The following RNF150 variants were observed in gnomAD, a reference collection of about 807,000 sequenced individuals.
RNF150 encodes the protein ring finger protein 150.
Under a neutral mutation model 39.3 loss-of-function variants are expected in RNF150, and 24 were observed. That is an observed-to-expected ratio of 0.61 (90% CI 0.44 to 0.86). The LOEUF (loss-of-function observed/expected upper bound fraction) is 0.86, where lower values mean the gene tolerates loss of function less well. Among genes scored for constraint, RNF150 ranks in the 40% least tolerant of loss-of-function variants. RNF150 has a pLI of 0.00. For missense variants in RNF150, 502 were observed against 587.8 expected, an observed-to-expected ratio of 0.85 and a Z score of 1.51; for synonymous variants, 255 against 227.3, an observed-to-expected ratio of 1.12 and a Z score of -1.10.
chr4:140,870,040 T>A (rs7691875), intron 6 of RNF150, among the ~76,000 whole-genome samples: 2,064 of 152,330 alleles, frequency 0.014, 58 homozygotes, highest in African/African-American at 0.047. Context: ...TTTTTCATGA[T>A]GTGGCACAGT....
At chr4:141,060,747 C>T (rs1012472738) in intron 1 of RNF150, among the ~76,000 whole-genome samples, 1 of 152,202 alleles carries the variant, frequency 6.6e-6, no homozygotes, top group African/African-American at 2.4e-5. Context: ...ACCCAAATGT[C>T]CATCAGTCAT....
At chr4:140,988,859 T>C (rs1454027861) in intron 1 of RNF150, among the ~76,000 whole-genome samples, 1 of 152,118 alleles carries the variant, frequency 6.6e-6, no homozygotes, top group African/African-American at 2.4e-5. Flanking sequence ...TGTAGGGACA[T>C]GGATGAAGCT....
intron 1 of RNF150, among the ~76,000 whole-genome samples, chr4:141,125,444 A>G (rs1368626715): frequency 6.6e-6 from 1 of 152,228 alleles, no homozygotes; most frequent in Admixed American, 6.5e-5. Context: ...TACATTATCA[A>G]ATACACAACA....
At chr4:141,131,167 C>T (rs1578756980) in intron 1 of RNF150, among the ~76,000 whole-genome samples, 1 of 152,240 alleles carries the variant, frequency 6.6e-6, no homozygotes, top group East Asian at 1.9e-4. Flanking sequence ...AAAGAGAACA[C>T]CCCTACAAAT....
At chr4:141,113,890 G>A (rs564039554) in intron 1 of RNF150, among the ~76,000 whole-genome samples, 4 of 152,174 alleles carry the variant, frequency 2.6e-5, no homozygotes, top group East Asian at 1.9e-4. Flanking sequence ...TAACTACATC[G>A]AAACTGAACA....
chr4:141,000,266 GAATGCAGAGCAA>G (rs946160835), intron 1 of RNF150, among the ~76,000 whole-genome samples: 15 of 152,152 alleles, frequency 9.9e-5, no homozygotes, highest in African/African-American at 2.7e-4. Flanking sequence ...AGACAGTTTT[GAATGCAGAGCAA>G]AATGTTATAT....
In RNF150 at chr4:140,864,813, G is replaced by C. The variant is rs1010847540; in HGVS notation, c.*3448C>G. ...CACCAAATCAGCATGGTTTGTGTGA[G>C]TTTTAAGTAACAACTGGTCAGAGGA... On this transcript the variant is annotated 3_prime_UTR_variant, in exon 7 of 7. Transcript: ENST00000515673. The C allele has an allele frequency of 1.3e-5, 2 of 152,202 alleles. No individual in the cohort carries two copies. The highest frequency in any genetic ancestry group is 1.5e-5 in the Non-Finnish European group (1 of 68,058). 9.4% of individuals were successfully genotyped at this position (152,202 alleles called of 1,614,324 possible). A position where few individuals can be genotyped will look rare whatever the true frequency, so the allele number is the denominator to read the frequency against.
At chr4:140,958,763 C>T (rs1462011079) in intron 2 of RNF150, among the ~76,000 whole-genome samples, 1 of 151,986 alleles carries the variant, frequency 6.6e-6, no homozygotes, top group East Asian at 1.9e-4. Flanking sequence ...CTGGTGGCAT[C>T]GATGGGCTAT....
chr4:140,950,116 T>C (rs930968989), intron 2 of RNF150, among the ~76,000 whole-genome samples: 6 of 152,120 alleles, frequency 3.9e-5, no homozygotes, highest in Middle Eastern at 3.2e-3. Context: ...GGGTGGTGAG[T>C]AAATTAAATT....
chr4:141,057,079 T>C (rs1255896588), intron 1 of RNF150, among the ~76,000 whole-genome samples: 1 of 152,082 alleles, frequency 6.6e-6, no homozygotes, highest in East Asian at 1.9e-4. Flanking sequence ...GAGGTAAAAA[T>C]TGGTAACTAT....
chr4:141,095,433 A>T (rs1313421049), intron 1 of RNF150, among the ~76,000 whole-genome samples: 1 of 152,234 alleles, frequency 6.6e-6, no homozygotes, highest in African/African-American at 2.4e-5. Flanking sequence ...ACAACAAAAA[A>T]AAAGAACTCA....
intron 1 of RNF150, among the ~76,000 whole-genome samples, chr4:141,021,124 A>G (rs1450118203): frequency 2.0e-5 from 3 of 152,114 alleles, no homozygotes; most frequent in Admixed American, 2.0e-4. Flanking sequence ...GGATAAAATC[A>G]CCTAACAGGA....
intron 1 of RNF150, 77 bp from the exon 2 acceptor site, chr4:140,967,950 AC>A: frequency 7.6e-7 from 1 of 1,319,806 alleles, no homozygotes; most frequent in Non-Finnish European, 1.1e-6. Context: ...ATGTGTGGAC[AC>A]AGTAACACGA....
chr4:141,189,030 A>G (rs1728061553), intron 1 of RNF150, among the ~76,000 whole-genome samples: 1 of 152,090 alleles, frequency 6.6e-6, no homozygotes, highest in Non-Finnish European at 1.5e-5. Context: ...TCTACCTTTG[A>G]TCTTCGATGC....
intron 1 of RNF150, among the ~76,000 whole-genome samples, chr4:141,091,777 C>CTATAA (rs1738591363): frequency 6.6e-6 from 1 of 151,966 alleles, no homozygotes; most frequent in African/African-American, 2.4e-5. Context: ...TAAGACAGAC[C>CTATAA]CACTGACTCA....
chr4:141,180,973 GT>G (rs781454154), intron 1 of RNF150, among the ~76,000 whole-genome samples: 1 of 152,158 alleles, frequency 6.6e-6, no homozygotes, highest in African/African-American at 2.4e-5. Context: ...ATTATGGTGA[GT>G]TTTTTTATAT....
chr4:140,951,440 C>T (rs146339479), intron 2 of RNF150, among the ~76,000 whole-genome samples: 2 of 151,974 alleles, frequency 1.3e-5, no homozygotes, highest in South Asian at 2.1e-4. Flanking sequence ...CATACACACA[C>T]GTACACACAC....
intron 2 of RNF150, among the ~76,000 whole-genome samples, chr4:140,967,227 G>C (rs1733278749): frequency 6.6e-6 from 1 of 152,088 alleles, no homozygotes; most frequent in Non-Finnish European, 1.5e-5. Flanking sequence ...TGTACCATGG[G>C]TATACATGAT....
chr4:141,019,086 C>G (rs1473629993), intron 1 of RNF150, among the ~76,000 whole-genome samples: 1 of 124,982 alleles, frequency 8.0e-6, no homozygotes, highest in East Asian at 2.7e-4. Context: ...ATATATGGAA[C>G]TTTACACAAA....
Sources: allele counts gnomAD v4.1 joint callset (sites outside exome capture counted in the v4.1 genomes callset), GRCh38; gene constraint gnomAD v4.1.1; transcripts MANE v1.5; gene names NCBI Gene and HGNC (gene_info 2026-07-23, HGNC 2026-07-21).